Variants in CTNNA2 observed in about 807,000 individuals in gnomAD.
The protein encoded by CTNNA2 is catenin alpha-2.
A neutral mutation model predicts 101.0 loss-of-function variants in CTNNA2; 42 were observed. That is an observed-to-expected ratio of 0.42 (90% CI 0.32 to 0.54). The LOEUF is 0.54. Among genes scored for constraint, CTNNA2 ranks in the 20% least tolerant of loss-of-function variants. The pLI is 0.14. For synonymous variants in CTNNA2, 450 were observed against 456.4 expected (o/e 0.99, Z 0.18); for missense variants, 871 against 1,223.1 (o/e 0.71, Z 4.29).
chr2:80,017,111 T>C (rs1694203390), intron 7 of CTNNA2, among the ~76,000 whole-genome samples: 1 of 152,160 alleles, frequency 6.6e-6, no homozygotes, highest in Non-Finnish European at 1.5e-5. Flanking sequence ...TTTCTGTATT[T>C]TGCTGTGCTC....
At chr2:80,436,141 C>T (rs1682004640) in intron 9 of CTNNA2, among the ~76,000 whole-genome samples, 1 of 152,128 alleles carries the variant, frequency 6.6e-6, no homozygotes, top group African/African-American at 2.4e-5. Context: ...CGGTCATCGA[C>T]ATTAGTGGCT....
chr2:80,045,956 G>A lies in CTNNA2; in HGVS notation c.1056+136159G>A, dbSNP rs1275898249. 3.9e-5 allele frequency among the ~76,000 whole-genome samples: 6 copies of A among 152,250 alleles called. No homozygotes were observed. The South Asian group carries it at 8.3e-4, about 21-fold the overall frequency. ...CAGTTGTTAAATGAGCCTGCATCCC[G>A]AAAAGTGAGAGTAGATCACTCAGCA... On this transcript the variant is annotated intron_variant, in intron 7 of 18. Coordinates refer to ENST00000402739, the MANE Select transcript of CTNNA2 (RefSeq NM_001282597.3).
At chr2:79,785,894 C>T (rs911079522) in intron 3 of CTNNA2, among the ~76,000 whole-genome samples, 1 of 151,926 alleles carries the variant, frequency 6.6e-6, no homozygotes, top group African/African-American at 2.4e-5. Flanking sequence ...AAGAAATAGC[C>T]ACTTGCATGT....
chr2:79,650,078 C>T (rs1681111608), intron 1 of CTNNA2, among the ~76,000 whole-genome samples: 1 of 146,032 alleles, frequency 6.8e-6, no homozygotes, highest in African/African-American at 2.6e-5. Flanking sequence ...TCGGTTTGTA[C>T]AATCTAAGGT....
At chr2:80,261,892 T>C (rs1195238826) in intron 7 of CTNNA2, among the ~76,000 whole-genome samples, 1 of 152,208 alleles carries the variant, frequency 6.6e-6, no homozygotes, top group Non-Finnish European at 1.5e-5. Flanking sequence ...CCCTAAGACA[T>C]GTTATTACAC....
intron 9 of CTNNA2, among the ~76,000 whole-genome samples, chr2:80,511,942 G>T (rs1688731917): frequency 6.6e-6 from 1 of 151,960 alleles, no homozygotes; most frequent in African/African-American, 2.4e-5. Flanking sequence ...ACTGAGGTCA[G>T]GAGTTCAAGA....
At chr2:80,228,551 T>A (rs1317475404) in intron 7 of CTNNA2, among the ~76,000 whole-genome samples, 1 of 152,156 alleles carries the variant, frequency 6.6e-6, no homozygotes, top group South Asian at 2.1e-4. Context: ...TCGTATCTCA[T>A]AAGATTATAA....
chr2:79,832,448 A>G (rs1397035024), intron 3 of CTNNA2, among the ~76,000 whole-genome samples: 1 of 152,184 alleles, frequency 6.6e-6, no homozygotes. Context: ...TCTTGGGGCA[A>G]TTAAATTACA....
At chr2:79,310,036 CTATTGATTTATT>C (rs1406224401) in intron 2 of CTNNA2, among the ~76,000 whole-genome samples, 1 of 152,008 alleles carries the variant, frequency 6.6e-6, no homozygotes, top group Non-Finnish European at 1.5e-5. Flanking sequence ...TATAAAGATA[CTATTGATTTATT>C]TATGTTGGTA....
At chr2:79,731,555 G>T (rs965636447) in intron 2 of CTNNA2, among the ~76,000 whole-genome samples, 3 of 152,020 alleles carry the variant, frequency 2.0e-5, no homozygotes, top group Admixed American at 6.6e-5. Context: ...ATGTGAGTTC[G>T]CTTACATGTT....
chr2:80,612,775 A>G (rs895955971), intron 17 of CTNNA2, among the ~76,000 whole-genome samples: 4 of 151,384 alleles, frequency 2.6e-5, no homozygotes, highest in Non-Finnish European at 4.4e-5. Flanking sequence ...TATTTTGTCT[A>G]TAGTCAATTC....
chr2:79,227,357 A>G (rs1674430582), intron 2 of CTNNA2, among the ~76,000 whole-genome samples: 1 of 152,208 alleles, frequency 6.6e-6, no homozygotes, highest in Non-Finnish European at 1.5e-5. Context: ...AGAATTGGCA[A>G]GCCTTCTAAT....
intron 1 of CTNNA2, among the ~76,000 whole-genome samples, chr2:79,513,691 G>A (rs534716105): frequency 6.8e-6 from 1 of 146,474 alleles, no homozygotes; most frequent in East Asian, 2.1e-4. Context: ...GAACTGGAGG[G>A]AGAAGAGGAT....
chr2:79,377,761 C>G (rs368480629), intron 4 of CTNNA2, among the ~76,000 whole-genome samples: 1 of 152,140 alleles, frequency 6.6e-6, no homozygotes, highest in Non-Finnish European at 1.5e-5. Flanking sequence ...AGGCTTTTCT[C>G]TATTGTCTGC....
intron 7 of CTNNA2, among the ~76,000 whole-genome samples, chr2:80,060,965 AC>A (rs1020946900): frequency 6.6e-6 from 1 of 151,792 alleles, no homozygotes; most frequent in Non-Finnish European, 1.5e-5. Flanking sequence ...CCAAAGGGCC[AC>A]CCCAGCTGAG....
rs183826009 is a variant in CTNNA2, at chr2:80,141,275, G to C, written c.1056+231478G>C. On this transcript the variant is annotated intron_variant, in intron 7 of 18. Transcript: ENST00000402739. The stretch of plus-strand genomic sequence containing the variant: ...AAATAAATATTAGTCTTTGTCTCGC[G>C]GAGGCCACAATTCAACATGTAACAC... 6.6e-5 allele frequency among the ~76,000 whole-genome samples: 10 copies of C among 151,834 alleles called. No individual in the cohort carries two copies. The South Asian group carries it at 1.0e-3, about 16-fold the overall frequency.
At chr2:80,321,588 A>G (rs1678695763) in intron 7 of CTNNA2, among the ~76,000 whole-genome samples, 1 of 152,248 alleles carries the variant, frequency 6.6e-6, no homozygotes. Flanking sequence ...AACTACAACC[A>G]GGAAAATTGT....
At chr2:79,460,430 A>G (rs1670866451) in intron 4 of CTNNA2, among the ~76,000 whole-genome samples, 1 of 152,192 alleles carries the variant, frequency 6.6e-6, no homozygotes. Flanking sequence ...ACTGGAAGTT[A>G]TTCTAAGCTC....
chr2:79,533,352 A>G (rs1672859080), intron 1 of CTNNA2, among the ~76,000 whole-genome samples: 1 of 152,184 alleles, frequency 6.6e-6, no homozygotes, highest in Admixed American at 6.6e-5. Flanking sequence ...TGGTCAGTAA[A>G]TACAGGTATT....
Sources: gnomAD v4.1 joint callset for allele counts (sites outside exome capture counted in the v4.1 genomes callset) on GRCh38, gnomAD v4.1.1 for gene constraint, MANE v1.5 for transcripts, NCBI Gene and HGNC (gene_info 2026-07-23, HGNC 2026-07-21) for gene names.